The following COL25A1 variants were observed in gnomAD, a reference collection of about 807,000 sequenced individuals.
COL25A1 encodes collagen alpha-1(XXV) chain.
Under a neutral mutation model 128.4 loss-of-function variants are expected in COL25A1, and 103 were observed. The observed-to-expected ratio is 0.80, with a 90% CI of 0.68 to 0.94. The LOEUF (loss-of-function observed/expected upper bound fraction) is 0.94, where lower values mean the gene tolerates loss of function less well. Among genes scored for constraint, COL25A1 ranks in the 40% least tolerant of loss-of-function variants. The probability of loss-of-function intolerance (pLI) is 0.00; values close to 1 mark genes in which losing one functional copy is unlikely to be tolerated. For synonymous variants in COL25A1, 279 were observed against 277.2 expected (o/e 1.01, Z -0.06); for missense variants, 745 against 840.0 (o/e 0.89, Z 1.40).
At chr4:109,255,717 A>G (rs568297856) in intron 3 of COL25A1, among the ~76,000 whole-genome samples, 1 of 152,316 alleles carries the variant, frequency 6.6e-6, no homozygotes, top group African/African-American at 2.4e-5. Flanking sequence ...AATAGCAACA[A>G]CAAATAAATT....
chr4:109,060,136 A>G (rs1022557877), intron 3 of COL25A1, among the ~76,000 whole-genome samples: 1 of 152,226 alleles, frequency 6.6e-6, no homozygotes, highest in South Asian at 2.1e-4. Context: ...TGTAGATAAT[A>G]TCCATCTCAG....
chr4:109,269,107 A>T (rs1289691549), intron 3 of COL25A1, among the ~76,000 whole-genome samples: 1 of 112,948 alleles, frequency 8.9e-6, no homozygotes, highest in African/African-American at 3.5e-5. Context: ...AACAGTCCCC[A>T]GAGTGTGATG....
intron 3 of COL25A1, among the ~76,000 whole-genome samples, chr4:109,123,644 C>A (rs2126057727): frequency 6.6e-6 from 1 of 152,152 alleles, no homozygotes; most frequent in Non-Finnish European, 1.5e-5. Flanking sequence ...AGAAGTACAG[C>A]ATTTCACAAT....
intron 3 of COL25A1, among the ~76,000 whole-genome samples, chr4:109,243,228 G>T (rs1780023640): frequency 6.6e-6 from 1 of 152,002 alleles, no homozygotes; most frequent in African/African-American, 2.4e-5. Context: ...GTTAAAAAGA[G>T]TATAACCTTC....
chr4:108,883,220 G>C (rs1012117815), intron 19 of COL25A1, among the ~76,000 whole-genome samples: 1 of 151,772 alleles, frequency 6.6e-6, no homozygotes, highest in Non-Finnish European at 1.5e-5. Context: ...ATAGATACAG[G>C]GTTTTACCAT....
At chr4:109,009,184 G>T (rs1252818804) in intron 6 of COL25A1, among the ~76,000 whole-genome samples, 2 of 152,164 alleles carry the variant, frequency 1.3e-5, no homozygotes, top group Non-Finnish European at 2.9e-5. Flanking sequence ...CTTTTACTTT[G>T]TCTTCATTCC....
intron 13 of COL25A1, among the ~76,000 whole-genome samples, chr4:108,913,023 A>G (rs1209879181): frequency 6.6e-6 from 1 of 152,124 alleles, no homozygotes; most frequent in Admixed American, 6.5e-5. Flanking sequence ...AAAAATAACA[A>G]TAAACTCTAG....
chr4:109,083,572 C>T (rs1467817141), intron 3 of COL25A1, among the ~76,000 whole-genome samples: 4 of 147,870 alleles, frequency 2.7e-5, no homozygotes, highest in Non-Finnish European at 3.0e-5. Flanking sequence ...ACGCCATTCT[C>T]CTGCCTCAGC....
In COL25A1 at chr4:108,852,900, A is replaced by G; in HGVS notation, c.1344+2T>C. ...CCACAGAAAGCATGCAATAGGAGTTACCGTGACAGTTAAGGTGGTAATCCT... is the reference window on the plus strand; with the variant it reads ...CCACAGAAAGCATGCAATAGGAGTTGCCGTGACAGTTAAGGTGGTAATCCT... On this transcript the variant is annotated splice_donor_variant, in intron 25 of 37. Transcript: ENST00000399132. LOFTEE classifies it high-confidence loss of function. The G allele has an allele frequency of 6.2e-7, 1 of 1,610,632 alleles. No individual in the cohort carries two copies. The highest frequency in any genetic ancestry group is 8.5e-7 in the Non-Finnish European group (1 of 1,178,356).
At chr4:108,975,167 C>T (rs757423964) in intron 6 of COL25A1, among the ~76,000 whole-genome samples, 5 of 152,164 alleles carry the variant, frequency 3.3e-5, no homozygotes, top group African/African-American at 7.2e-5. Context: ...TATAAAAATA[C>T]GCTATGGCCA....
At chr4:108,929,024 T>A (rs1746416441) in intron 11 of COL25A1, among the ~76,000 whole-genome samples, 1 of 152,248 alleles carries the variant, frequency 6.6e-6, no homozygotes, top group African/African-American at 2.4e-5. Context: ...TTCTGTGAAA[T>A]GCTAAGCTAA....
At chr4:108,981,028 A>C (rs1266881915) in intron 6 of COL25A1, among the ~76,000 whole-genome samples, 2 of 152,238 alleles carry the variant, frequency 1.3e-5, no homozygotes, top group Admixed American at 6.5e-5. Flanking sequence ...TCATAGTGCC[A>C]ATGACACACA....
At chr4:108,825,602 C>G (rs535387349) in intron 33 of COL25A1, among the ~76,000 whole-genome samples, 1 of 152,226 alleles carries the variant, frequency 6.6e-6, no homozygotes, top group African/African-American at 2.4e-5. Context: ...ATGTTTAAAG[C>G]TTGGTATCTA....
chr4:109,194,372 A>T (rs1475096399), intron 3 of COL25A1, among the ~76,000 whole-genome samples: 1 of 152,222 alleles, frequency 6.6e-6, no homozygotes, highest in African/African-American at 2.4e-5. Flanking sequence ...GAAAAACTTT[A>T]CAAATCTATT....
chr4:108,976,734 A>G lies in COL25A1; in HGVS notation c.439-2175T>C, dbSNP rs149412261. Among the ~76,000 whole-genome samples the G allele has an allele frequency of 2.5e-3, 385 of 152,322 alleles. 1 individual carries two copies. Among genetic ancestry groups the G allele is most frequent in the African/African-American group, 8.9e-3 (369 of 41,572 alleles). On this transcript the variant is annotated intron_variant, in intron 6 of 37. Coordinates refer to ENST00000399132, the MANE Select transcript of COL25A1 (RefSeq NM_198721.4). Reference sequence around the variant, plus strand: ...GGAACGTAGCAATGCTCCACCTTCCAAAACATTTCCTTTTGCTAAGTACCA... The same window carrying G: ...GGAACGTAGCAATGCTCCACCTTCCGAAACATTTCCTTTTGCTAAGTACCA...
At chr4:108,851,959 T>C (rs767712936) in intron 26 of COL25A1, among the ~76,000 whole-genome samples, 3 of 152,160 alleles carry the variant, frequency 2.0e-5, no homozygotes, top group Non-Finnish European at 2.9e-5. Flanking sequence ...CATTTATAAT[T>C]TCTGTGGAAC....
In COL25A1 at chr4:109,019,870, C is replaced by T. The variant is rs145180285; in HGVS notation, c.421-9495G>A. Among the ~76,000 whole-genome samples the T allele has an allele frequency of 5.1e-3, 777 of 152,208 alleles. 13 individuals are homozygous for T. Among genetic ancestry groups the T allele is most frequent in the Middle Eastern group, 0.014 (4 of 292 alleles). On this transcript the variant is annotated intron_variant, in intron 5 of 37. Coordinates refer to ENST00000399132, the MANE Select transcript of COL25A1 (RefSeq NM_198721.4). ...CACCTACCAATATAAAAGAGAAGCA[C>T]GAAAGTTCCATATTGACGAAAAATT...
chr4:109,146,234 C>T (rs1770933792), intron 3 of COL25A1, among the ~76,000 whole-genome samples: 1 of 152,086 alleles, frequency 6.6e-6, no homozygotes, highest in Non-Finnish European at 1.5e-5. Context: ...TATTTTCTAA[C>T]ATTTTGAGAC....
intron 5 of COL25A1, among the ~76,000 whole-genome samples, chr4:109,027,195 A>G (rs1027967578): frequency 9.2e-5 from 14 of 152,212 alleles, no homozygotes; most frequent in African/African-American, 3.4e-4. Context: ...AGACAGCGAT[A>G]AGGACTCAGC....
Sources: gnomAD v4.1 joint callset for allele counts (sites outside exome capture counted in the v4.1 genomes callset) on GRCh38, gnomAD v4.1.1 for gene constraint, MANE v1.5 for transcripts, NCBI Gene and HGNC (gene_info 2026-07-23, HGNC 2026-07-21) for gene names.